The following CNTNAP2 variants were observed in gnomAD, a reference collection of about 807,000 sequenced individuals.
The protein encoded by CNTNAP2 is contactin associated protein 2.
A neutral mutation model predicts 155.2 loss-of-function variants in CNTNAP2; 98 were observed. That is an observed-to-expected ratio of 0.63 (90% CI 0.54 to 0.75). CNTNAP2 has a LOEUF of 0.75. Among genes scored for constraint, CNTNAP2 ranks in the 30% least tolerant of loss-of-function variants. The probability of loss-of-function intolerance (pLI) is 0.00; values close to 1 mark genes in which losing one functional copy is unlikely to be tolerated. For missense variants in CNTNAP2, 1,727 were observed against 1,688.1 expected, an observed-to-expected ratio of 1.02 and a Z score of -0.40; for synonymous variants, 651 against 631.2, an observed-to-expected ratio of 1.03 and a Z score of -0.47.
chr7:146,364,242 C>T (rs1182780251), intron 1 of CNTNAP2, among the ~76,000 whole-genome samples: 1 of 152,010 alleles, frequency 6.6e-6, no homozygotes, highest in East Asian at 1.9e-4. Flanking sequence ...CACTAATTAC[C>T]AGAGCTGAAA....
chr7:146,669,812 A>G (rs1800268934), intron 1 of CNTNAP2, among the ~76,000 whole-genome samples: 1 of 151,026 alleles, frequency 6.6e-6, no homozygotes, highest in Non-Finnish European at 1.5e-5. Flanking sequence ...TTTAAACTTT[A>G]GTGTAAGTAC....
rs1005315822 is a variant in CNTNAP2, at chr7:147,177,707, T to G, written c.1348+45198T>G. Reference sequence around the variant, plus strand: ...TATAGGGGAAACTGCATAGACTTGGTGTTTGTTGGTAGGATGGATTGCTTT... The same window carrying G: ...TATAGGGGAAACTGCATAGACTTGGGGTTTGTTGGTAGGATGGATTGCTTT... On this transcript the variant is annotated intron_variant, in intron 8 of 23. Coordinates refer to ENST00000361727, the MANE Select transcript of CNTNAP2 (RefSeq NM_014141.6). 2.0e-5 allele frequency among the ~76,000 whole-genome samples: 3 copies of G among 152,054 alleles called. No homozygotes were observed. The South Asian group carries it at 6.2e-4, about 32-fold the overall frequency.
chr7:147,210,715 G>T (rs1209302763), intron 8 of CNTNAP2, among the ~76,000 whole-genome samples: 1 of 151,758 alleles, frequency 6.6e-6, no homozygotes, highest in Admixed American at 6.6e-5. Flanking sequence ...AATTTTTTGA[G>T]GTAAGTTTTA....
At chr7:148,129,372 G>A (rs919119774) in intron 16 of CNTNAP2, among the ~76,000 whole-genome samples, 3 of 152,036 alleles carry the variant, frequency 2.0e-5, no homozygotes, top group South Asian at 2.1e-4. Context: ...AATCCACATC[G>A]ATTACTGCAG....
chr7:147,192,549 C>T (rs1330115741), intron 8 of CNTNAP2, among the ~76,000 whole-genome samples: 1 of 152,040 alleles, frequency 6.6e-6, no homozygotes, highest in African/African-American at 2.4e-5. Flanking sequence ...TGTGTTTTCC[C>T]CACCCTCTCC....
intron 1 of CNTNAP2, among the ~76,000 whole-genome samples, chr7:146,705,480 T>C (rs1159227749): frequency 2.0e-5 from 3 of 152,108 alleles, no homozygotes; most frequent in African/African-American, 7.2e-5. Context: ...TCTACCCTTA[T>C]GACCTATCAC....
At chr7:146,766,558 CA>C (rs748309432) in intron 1 of CNTNAP2, among the ~76,000 whole-genome samples, 4 of 152,138 alleles carry the variant, frequency 2.6e-5, no homozygotes, top group Non-Finnish European at 4.4e-5. Context: ...GCCTTAGAAT[CA>C]GGTACAATTT....
intron 8 of CNTNAP2, among the ~76,000 whole-genome samples, chr7:147,135,933 A>G (rs1219628588): frequency 6.6e-6 from 1 of 151,674 alleles, no homozygotes; most frequent in Non-Finnish European, 1.5e-5. Context: ...CCATCACTCT[A>G]TATTGGAAAA....
chr7:146,981,905 A>T (rs1209976602), intron 3 of CNTNAP2, among the ~76,000 whole-genome samples: 1 of 152,224 alleles, frequency 6.6e-6, no homozygotes, highest in Non-Finnish European at 1.5e-5. Flanking sequence ...TGCAGAACGC[A>T]TATAATCTTC....
chr7:148,402,441 C>G (rs1157459950), intron 22 of CNTNAP2, among the ~76,000 whole-genome samples: 1 of 152,142 alleles, frequency 6.6e-6, no homozygotes, highest in Non-Finnish European at 1.5e-5. Context: ...AGAAATCGCT[C>G]CCTCCCAAAA....
intron 1 of CNTNAP2, among the ~76,000 whole-genome samples, chr7:146,739,251 T>A (rs1329323997): frequency 6.6e-6 from 1 of 152,020 alleles, no homozygotes; most frequent in East Asian, 1.9e-4. Context: ...ATCTTCTTTT[T>A]TGATATAGGC....
chr7:148,176,487 G>T (rs1197002285), intron 18 of CNTNAP2, among the ~76,000 whole-genome samples: 1 of 152,078 alleles, frequency 6.6e-6, no homozygotes, highest in East Asian at 1.9e-4. Flanking sequence ...CCAAAGTGCT[G>T]GGATTACAGG....
At chr7:147,343,372 G>A (rs1216946119) in intron 9 of CNTNAP2, among the ~76,000 whole-genome samples, 1 of 152,000 alleles carries the variant, frequency 6.6e-6, no homozygotes, top group African/African-American at 2.4e-5. Context: ...AGTGAAATTG[G>A]CCATTTCCCC....
At chr7:146,666,998 T>G (rs1490799051) in intron 1 of CNTNAP2, among the ~76,000 whole-genome samples, 1 of 152,136 alleles carries the variant, frequency 6.6e-6, no homozygotes, top group Non-Finnish European at 1.5e-5. Flanking sequence ...TGATACCATT[T>G]GTTTATTTTT....
chr7:147,106,738 C>A (rs772001562), intron 4 of CNTNAP2, among the ~76,000 whole-genome samples: 1 of 152,118 alleles, frequency 6.6e-6, no homozygotes, highest in Non-Finnish European at 1.5e-5. Flanking sequence ...GTATGCACAA[C>A]AATTCACTTT....
chr7:148,362,187 G>C (rs973820304), intron 21 of CNTNAP2, among the ~76,000 whole-genome samples: 13 of 137,098 alleles, frequency 9.5e-5, no homozygotes, highest in Non-Finnish European at 2.1e-4. Flanking sequence ...GCAATAGAGG[G>C]AGACTCCATC....
At chr7:147,685,354 A>G (rs1796002556) in intron 13 of CNTNAP2, among the ~76,000 whole-genome samples, 1 of 151,922 alleles carries the variant, frequency 6.6e-6, no homozygotes, top group Admixed American at 6.6e-5. Context: ...CCTTCTTATG[A>G]TTGGAAGGGT....
rs181519128 is a variant in CNTNAP2, at chr7:147,084,993, G to A, written c.551-23154G>A. 3.9e-4 allele frequency among the ~76,000 whole-genome samples: 59 copies of A among 151,816 alleles called. No homozygotes were observed. In the Middle Eastern group the frequency reaches 0.01, roughly 27 times the overall value. ...CCTTTGCTACCCACTAACTCTGAGA[G>A]GTTTGAGTACTTATAAAATCAGGCT... On this transcript the variant is annotated intron_variant, in intron 4 of 23. Transcript: ENST00000361727.
At chr7:147,523,918 T>A (rs980665456) in intron 11 of CNTNAP2, among the ~76,000 whole-genome samples, 6 of 152,208 alleles carry the variant, frequency 3.9e-5, no homozygotes, top group Admixed American at 3.3e-4. Context: ...AATACTCCTC[T>A]GCAATATTTA....
Sources: allele counts gnomAD v4.1 joint callset (sites outside exome capture counted in the v4.1 genomes callset), GRCh38; gene constraint gnomAD v4.1.1; transcripts MANE v1.5; gene names NCBI Gene and HGNC (gene_info 2026-07-23, HGNC 2026-07-21).